The following CLPTM1L variants were observed in gnomAD, a reference collection of about 807,000 sequenced individuals.
CLPTM1L encodes lipid scramblase CLPTM1L.
In CLPTM1L, 38 loss-of-function variants were observed where a neutral mutation model predicts 70.9. That is an observed-to-expected ratio of 0.54 (90% CI 0.41 to 0.70). CLPTM1L has a LOEUF of 0.70. CLPTM1L is among the 30% of genes least tolerant of loss of function. CLPTM1L has a pLI of 0.00. For synonymous variants in CLPTM1L, 339 were observed against 299.9 expected (o/e 1.13, Z -1.35); for missense variants, 652 against 705.9 (o/e 0.92, Z 0.87).
intron 9 of CLPTM1L, 183 bp from the exon 10 acceptor site, chr5:1,325,999 C>T: frequency 3.4e-6 from 2 of 589,138 alleles, no homozygotes; most frequent in Admixed American, 5.9e-5. Context: ...CTCTAACCCA[C>T]ACACGGCAGG....
intron 10 of CLPTM1L, 85 bp downstream of exon 10, chr5:1,325,666 A>C: frequency 9.1e-7 from 1 of 1,103,408 alleles, no homozygotes; most frequent in South Asian, 1.3e-5. Context: ...ACTCATCTGC[A>C]GATGGCCATC....
At chr5:1,329,023 G>GCTCCTCCTCTA (rs1752888516) in intron 9 of CLPTM1L, among the ~76,000 whole-genome samples, 1 of 146,972 alleles carries the variant, frequency 6.8e-6, no homozygotes, top group Non-Finnish European at 1.5e-5. Context: ...TCCTCTACAG[G>GCTCCTCCTCTA]CATGACGGCC....
chr5:1,337,566 A>G (rs1463295727), intron 5 of CLPTM1L, among the ~76,000 whole-genome samples: 1 of 152,230 alleles, frequency 6.6e-6, no homozygotes, highest in African/African-American at 2.4e-5. Context: ...GCACACCAGG[A>G]GCTCACACGC....
chr5:1,318,344 T>C lies in CLPTM1L; in HGVS notation c.*25A>G, dbSNP rs1402541266. On this transcript the variant is annotated 3_prime_UTR_variant, in exon 17 of 17. Coordinates refer to ENST00000320895, the MANE Select transcript of CLPTM1L (RefSeq NM_030782.5). The surrounding 1 kb of genome is among the most constrained non-coding windows in gnomAD (Gnocchi z 8.9). Reference sequence around the variant, plus strand: ...ACTCATTGACAATTCAAGTTGCACTTGGCTGGCGGCAGCCCGGGCGGCCTT... The same window carrying C: ...ACTCATTGACAATTCAAGTTGCACTCGGCTGGCGGCAGCCCGGGCGGCCTT... 2.8e-5 allele frequency: 44 copies of C among 1,598,598 alleles called. No homozygotes were observed. The Admixed American group carries it at 6.9e-4, about 25-fold the overall frequency.
chr5:1,336,370 G>A (rs1047857914), intron 5 of CLPTM1L, among the ~76,000 whole-genome samples: 2 of 152,216 alleles, frequency 1.3e-5, no homozygotes, highest in South Asian at 2.1e-4. Context: ...GTCGGCACAC[G>A]TGTCTCCATA....
chr5:1,335,554 G>A (rs1753524806), intron 5 of CLPTM1L, among the ~76,000 whole-genome samples: 1 of 152,286 alleles, frequency 6.6e-6, no homozygotes, highest in Admixed American at 6.5e-5. Flanking sequence ...TTGGCCTGCA[G>A]AGCCCTGGCC....
At position 1,330,344 on chromosome 5, in the gene CLPTM1L, A is replaced by T; in HGVS notation, c.1016T>A (p.Phe339Tyr). The change falls in exon 9 of 17, where the codon TTC becomes TAC. Residue 339 changes from phenylalanine to tyrosine, a missense_variant. Phe to Tyr is a conservative substitution (Grantham distance 22). Around this residue, in one of 3 missense-constraint regions of CLPTM1L, gnomAD observed 240 missense variants for 295.0 expected, o/e 0.81. Coordinates refer to ENST00000320895, the MANE Select transcript of CLPTM1L (RefSeq NM_030782.5). ...RCFSTVVIFL[F>Y]LLDEQTSLLV... is the part of the protein sequence containing the mutation. The stretch of plus-strand genomic sequence containing the variant: ...CAGGCTCGTCTGCTCGTCCAGCAGG[A>T]ACAGAAAGATGACCACGGTGCTGAA... 6.2e-7 allele frequency: 1 copy of T among 1,612,828 alleles called. No individual in the cohort carries two copies. The highest frequency in any genetic ancestry group is 8.5e-7 in the Non-Finnish European group (1 of 1,179,970).
At chr5:1,336,288 C>T (rs760953529) in intron 5 of CLPTM1L, among the ~76,000 whole-genome samples, 45 of 152,342 alleles carry the variant, frequency 3.0e-4, no homozygotes, top group Non-Finnish European at 5.7e-4. Flanking sequence ...CAGCACCTCT[C>T]GAATCTGGCC....
chr5:1,322,041 G>A (rs1561228504), intron 13 of CLPTM1L, among the ~76,000 whole-genome samples: 1 of 152,222 alleles, frequency 6.6e-6, no homozygotes, highest in Non-Finnish European at 1.5e-5. Context: ...GGAGAGCAAA[G>A]CTCTTCTATT....
intron 2 of CLPTM1L, among the ~76,000 whole-genome samples, chr5:1,343,196 A>AC (rs1238715796): frequency 6.6e-6 from 1 of 152,184 alleles, no homozygotes; most frequent in Non-Finnish European, 1.5e-5. Context: ...TCTCAAAAAA[A>AC]AAAAAAAATC....
chr5:1,335,033 G>A (rs745309134), intron 6 of CLPTM1L, 24 bp downstream of exon 6: 1 of 1,595,554 alleles, frequency 6.3e-7, no homozygotes, highest in Non-Finnish European at 8.6e-7. Context: ...CCTCACCCAG[G>A]CGCCGGCCGT....
chr5:1,324,180 A>C (rs1315792155), intron 11 of CLPTM1L: 3 of 425,392 alleles, frequency 7.1e-6, no homozygotes, highest in African/African-American at 6.0e-5. Flanking sequence ...AAGAAACCGG[A>C]AAAAACTGCC....
chr5:1,330,083 C>A (rs190160377), intron 9 of CLPTM1L, among the ~76,000 whole-genome samples, 197 bp downstream of exon 9: 1 of 152,150 alleles, frequency 6.6e-6, no homozygotes, highest in South Asian at 2.1e-4. Flanking sequence ...CACCCGAACA[C>A]GCATTTCCTT....
chr5:1,328,989 TAC>T (rs1752881686), intron 9 of CLPTM1L, among the ~76,000 whole-genome samples: 1 of 151,436 alleles, frequency 6.6e-6, no homozygotes, highest in African/African-American at 2.5e-5. Flanking sequence ...GCTCCTCCTC[TAC>T]AGAGACATTG....
chr5:1,325,484 G>A (rs1752466680), intron 10 of CLPTM1L: 1 of 523,538 alleles, frequency 1.9e-6, no homozygotes. Flanking sequence ...GTGCTGGCCA[G>A]CCAGCATCCT....
At position 1,325,760 on chromosome 5, in the gene CLPTM1L, G is replaced by C. The variant is rs554397457; in HGVS notation, c.1137C>G (p.Pro379=). The change falls in exon 10 of 17, where the codon CCC becomes CCG. Residue 379 remains proline, a synonymous_variant. Transcript: ENST00000320895. ...KMTIFWRGLM[P]EFQFGTYSES... ...TACAACTAAATCCTACCTGAAATTC[G>C]GGCATCAGGCCTCTCCAAAAAATAG... 24 of 1,613,196 alleles carry C rather than the reference G, an allele frequency of 1.5e-5. No individual in the cohort carries two copies. The highest frequency in any genetic ancestry group is 1.9e-5 in the Non-Finnish European group (22 of 1,179,360).
chr5:1,334,903 AGT>A (rs1171162294), intron 6 of CLPTM1L, among the ~76,000 whole-genome samples, 152 bp downstream of exon 6: 2 of 152,272 alleles, frequency 1.3e-5, no homozygotes, highest in African/African-American at 4.8e-5. Context: ...CAAGGAGAGA[AGT>A]GAGGCAGGCG....
chr5:1,333,964 C>T (rs1301555271), intron 7 of CLPTM1L, among the ~76,000 whole-genome samples: 1 of 152,128 alleles, frequency 6.6e-6, no homozygotes, highest in Non-Finnish European at 1.5e-5. Flanking sequence ...GAGATGCCTG[C>T]ACCTATTCAT....
At chr5:1,322,786 G>A (rs1752234584) in intron 13 of CLPTM1L, 91 bp downstream of exon 13, 2 of 1,330,532 alleles carry the variant, frequency 1.5e-6, no homozygotes, top group Non-Finnish European at 2.2e-6. Flanking sequence ...AATCACAGGG[G>A]GGCTTGCCAC....
Sources: gnomAD v4.1 joint callset for allele counts (sites outside exome capture counted in the v4.1 genomes callset) on GRCh38, gnomAD v4.1.1 for gene constraint, gnomAD v4.1.1 regional missense constraint, Gnocchi (gnomAD v3.1) non-coding constraint, MANE v1.5 for transcripts, NCBI Gene and HGNC (gene_info 2026-07-23, HGNC 2026-07-21) for gene names.